The following COX18 variants were observed in gnomAD, a reference collection of about 807,000 sequenced individuals.
COX18 encodes the protein cytochrome c oxidase assembly protein COX18, mitochondrial.
Under a neutral mutation model 38.0 loss-of-function variants are expected in COX18, and 45 were observed. That is an observed-to-expected ratio of 1.18 (90% CI 0.93 to 1.52). COX18 has a LOEUF of 1.52. Ranked by LOEUF, COX18 falls within the 40% of genes most tolerant of loss-of-function variation. COX18 has a pLI of 0.00. For missense variants in COX18, 462 were observed against 423.8 expected, an observed-to-expected ratio of 1.09 and a Z score of -0.79; for synonymous variants, 177 against 169.8, an observed-to-expected ratio of 1.04 and a Z score of -0.33.
chr4:73,061,908 G>A lies in COX18; in HGVS notation c.736C>T (p.Gln246Ter), dbSNP rs368672286. The change falls in exon 5 of 6, where the codon CAA becomes TAA. Residue 246 changes from glutamine to a stop codon, truncating the protein, a stop_gained. Coordinates refer to ENST00000507544, the MANE Select transcript of COX18 (RefSeq NM_001297732.2). LOFTEE classifies it high-confidence loss of function. ...NLLIVEICAL[Q>*]KIGMSRFQTY... ...TGAAAACGAGACATTCCAATTTTTTGTAGAGCACAAATCTGAAGGGGTAGA... is the reference window on the plus strand; with the variant it reads ...TGAAAACGAGACATTCCAATTTTTTATAGAGCACAAATCTGAAGGGGTAGA... 6.3e-7 allele frequency: 1 copy of A among 1,599,332 alleles called. No homozygotes were observed. Among genetic ancestry groups the A allele is most frequent in the Admixed American group, 1.7e-5 (1 of 59,810 alleles).
intron 2 of COX18, among the ~76,000 whole-genome samples, chr4:73,067,542 T>C (rs751219449): frequency 3.3e-5 from 5 of 151,942 alleles, no homozygotes; most frequent in Non-Finnish European, 7.4e-5. Context: ...TAATAACTTA[T>C]GAAAATATAA....
chr4:73,066,744 A>G (rs1010927243), intron 2 of COX18, among the ~76,000 whole-genome samples: 7 of 152,196 alleles, frequency 4.6e-5, no homozygotes, highest in African/African-American at 1.4e-4. Context: ...GACTTCTTTG[A>G]TAAGTAAAAT....
chr4:73,068,836 GAC>G (rs1577960180), intron 1 of COX18, among the ~76,000 whole-genome samples: 1 of 152,324 alleles, frequency 6.6e-6, no homozygotes, highest in Admixed American at 6.5e-5. Context: ...CGACCAACCA[GAC>G]ACAGTCTTAG....
chr4:73,064,390 T>C (rs1482900504), intron 4 of COX18, among the ~76,000 whole-genome samples: 2 of 152,238 alleles, frequency 1.3e-5, no homozygotes, highest in Non-Finnish European at 2.9e-5. Context: ...GGGCCTGACT[T>C]GTGTTCTCCG....
rs1177064760 is a variant in COX18, at chr4:73,057,588, T to G, written c.*526A>C. 6.6e-6 allele frequency: 1 copy of G among 152,448 alleles called. No homozygotes were observed. Among genetic ancestry groups the G allele is most frequent in the Non-Finnish European group, 1.5e-5 (1 of 68,212 alleles). The allele number at this position is 152,448 out of a possible 1,614,324, so 9.4% of individuals were successfully genotyped here. A position where few individuals can be genotyped will look rare whatever the true frequency, so the allele number is the denominator to read the frequency against. On this transcript the variant is annotated 3_prime_UTR_variant, in exon 6 of 6. Transcript: ENST00000507544. ...ACTTTATAAACAGAGACAGGCACTT[T>G]GGTTCTATTCTAATACTTTCACAAA...
chr4:73,069,671 A>G lies in COX18; in HGVS notation c.-22T>C. ...GCATTTCTGCACCACGGCGGAGCCC[A>G]GATCCCGGGCCTCACAATCCAGCGG... On this transcript the variant is annotated 5_prime_UTR_variant, in exon 1 of 6. Transcript: ENST00000507544. 1.3e-6 allele frequency: 2 copies of G among 1,538,380 alleles called. No homozygotes were observed. Among genetic ancestry groups the G allele is most frequent in the East Asian group, 2.4e-5 (1 of 41,374 alleles).
chr4:73,058,549 G>C (rs1720004117), intron 5 of COX18, among the ~76,000 whole-genome samples: 1 of 152,198 alleles, frequency 6.6e-6, no homozygotes, highest in Non-Finnish European at 1.5e-5. Flanking sequence ...AGAGGCTCAA[G>C]AGAGATCTTA....
intron 4 of COX18, 95 bp from the exon 5 acceptor site, chr4:73,062,015 C>CTAG: frequency 3.9e-6 from 2 of 512,440 alleles, no homozygotes; most frequent in Non-Finnish European, 6.9e-6. Context: ...CACTGGCCTC[C>CTAG]ATCTACACTT....
intron 3 of COX18, 57 bp from the exon 4 acceptor site, chr4:73,064,959 T>C: frequency 6.5e-7 from 1 of 1,530,646 alleles, no homozygotes; most frequent in Non-Finnish European, 9.0e-7. Context: ...GAGAAAAATA[T>C]ATAAGACATA....
chr4:73,069,679 G>A lies in COX18; in HGVS notation c.-30C>T, dbSNP rs1396596471. 5 of 1,534,982 alleles carry A rather than the reference G, an allele frequency of 3.3e-6. No individual in the cohort carries two copies. Among genetic ancestry groups the A allele is most frequent in the Non-Finnish European group, 3.5e-6 (4 of 1,145,356 alleles). ...GCACCACGGCGGAGCCCAGATCCCG[G>A]GCCTCACAATCCAGCGGACATACAC... On this transcript the variant is annotated 5_prime_UTR_variant, in exon 1 of 6. Coordinates refer to ENST00000507544, the MANE Select transcript of COX18 (RefSeq NM_001297732.2).
At position 73,069,479 on chromosome 4, in the gene COX18, G is replaced by T; in HGVS notation, c.171C>A (p.Ala57=). 2 of 1,593,364 alleles carry T rather than the reference G, an allele frequency of 1.3e-6. No homozygotes were observed. The highest frequency in any genetic ancestry group is 2.3e-5 in the East Asian group (1 of 43,870). The part of the protein sequence containing the change: ...SAVHANGWYE[A]LAASSPVRVA... ...CCCGCACCGGCGAAGACGCGGCCAG[G>T]GCCTCGTACCAGCCGTTCGCATGTA... is the stretch of plus-strand genomic sequence containing the variant. The change falls in exon 1 of 6, where the codon GCC becomes GCA. Residue 57 remains alanine (A), a synonymous_variant. Coordinates refer to ENST00000507544, the MANE Select transcript of COX18 (RefSeq NM_001297732.2).
chr4:73,066,323 T>C (rs1368051566), intron 2 of COX18, among the ~76,000 whole-genome samples: 2 of 152,198 alleles, frequency 1.3e-5, no homozygotes, highest in Non-Finnish European at 2.9e-5. Context: ...ATCATCTGTG[T>C]GGAAAGCCCA....
Position 73,056,175 on chromosome 4 carries a change from A to G in COX18, c.*1939T>C, listed in dbSNP as rs1358624342. 2 of 152,238 alleles carry G rather than the reference A, an allele frequency of 1.3e-5. No individual in the cohort carries two copies. The highest frequency in any genetic ancestry group is 2.9e-5 in the Non-Finnish European group (2 of 68,036). 9.4% of individuals were successfully genotyped at this position (152,238 alleles called of 1,614,324 possible). ...TCCATATTTTAACTAAATGAAAATT[A>G]TGATTTATAGCCTTCTCAAATACCT... On this transcript the variant is annotated 3_prime_UTR_variant, in exon 6 of 6. Transcript: ENST00000507544.
At chr4:73,059,018 C>G (rs552235222) in intron 5 of COX18, among the ~76,000 whole-genome samples, 1 of 152,318 alleles carries the variant, frequency 6.6e-6, no homozygotes, top group Admixed American at 6.5e-5. Flanking sequence ...TGCTGCTAAT[C>G]TGACAGGAGG....
intron 5 of COX18, among the ~76,000 whole-genome samples, chr4:73,060,403 C>T (rs1204663414): frequency 6.6e-6 from 1 of 152,152 alleles, no homozygotes; most frequent in Non-Finnish European, 1.5e-5. Context: ...TATTTTACAA[C>T]ACTACTACTT....
At position 73,058,085 on chromosome 4, in the gene COX18, C is replaced by A. The variant is rs763194362; in HGVS notation, c.*29G>T. The A allele has an allele frequency of 6.8e-6, 10 of 1,466,944 alleles. No individual in the cohort carries two copies. The highest frequency in any genetic ancestry group is 1.2e-5 in the South Asian group (1 of 81,202). The allele number at this position is 1,466,944 out of a possible 1,614,324, so 90.9% of individuals were successfully genotyped here. On this transcript the variant is annotated 3_prime_UTR_variant, in exon 6 of 6. Coordinates refer to ENST00000507544, the MANE Select transcript of COX18 (RefSeq NM_001297732.2). Reference sequence around the variant, plus strand: ...TACATTTAGATGATAGTGACTCCTGCAACTGTTTCAAAATTATTGGAAAAT... The same window carrying A: ...TACATTTAGATGATAGTGACTCCTGAAACTGTTTCAAAATTATTGGAAAAT...
At chr4:73,065,196 T>C (rs1720377972) in intron 3 of COX18, 54 bp downstream of exon 3, 7 of 1,183,500 alleles carry the variant, frequency 5.9e-6, no homozygotes, top group Non-Finnish European at 8.3e-6. Flanking sequence ...TTTTTTTTTT[T>C]AGTACAAAGA....
Position 73,068,034 on chromosome 4 carries a change from A to G in COX18, c.429T>C (p.Asp143=), listed in dbSNP as rs750839168. Residue 143 remains aspartate (D), a synonymous_variant, in exon 2 of 6, where the codon GAT becomes GAC. Transcript: ENST00000507544. ...RANQLGWSKR[D]ARLTYLKNMR... is the part of the protein sequence containing the mutation. ...CGTGGATATAATTAGCTTACCTGGC[A>G]TCTCTTTTGGACCACCCCAACTGAT... The G allele has an allele frequency of 6.2e-7, 1 of 1,608,722 alleles. No individual in the cohort carries two copies. Among genetic ancestry groups the G allele is most frequent in the East Asian group, 2.2e-5 (1 of 44,654 alleles).
At chr4:73,067,979 T>C (rs769362714) in intron 2 of COX18, 50 bp downstream of exon 2, 4 of 996,176 alleles carry the variant, frequency 4.0e-6, no homozygotes, top group Non-Finnish European at 6.4e-6. Context: ...TGTGTGTGTG[T>C]GTGTGTGTGT....
Sources: allele counts gnomAD v4.1 joint callset (sites outside exome capture counted in the v4.1 genomes callset), GRCh38; gene constraint gnomAD v4.1.1; transcripts MANE v1.5; gene names NCBI Gene and HGNC (gene_info 2026-07-23, HGNC 2026-07-21).